SHB: variants seen among roughly 807,000 people sequenced by gnomAD.
The protein encoded by SHB is SH2 domain containing adaptor protein B.
A neutral mutation model predicts 52.3 loss-of-function variants in SHB; 20 were observed. The observed-to-expected ratio is 0.38, with a 90% CI of 0.27 to 0.56. The LOEUF is 0.56. Ranked by LOEUF, SHB falls within the 20% of genes least tolerant of loss-of-function variation. The pLI is 0.71. For synonymous variants in SHB, 397 were observed against 316.5 expected (o/e 1.25, Z -2.70); for missense variants, 825 against 723.3 (o/e 1.14, Z -1.61).
chr9:38,002,161 G>A (rs930288692), intron 2 of SHB, among the ~76,000 whole-genome samples: 1 of 152,192 alleles, frequency 6.6e-6, no homozygotes, highest in Non-Finnish European at 1.5e-5. Flanking sequence ...TGCCTCCAGG[G>A]TTGTTCTGAG....
In SHB at chr9:37,916,303, A is replaced by G. The variant is rs1283315664; in HGVS notation, c.*3518T>C. Among the ~76,000 whole-genome samples, 4 of 152,222 alleles carry G rather than the reference A, an allele frequency of 2.6e-5. No homozygotes were observed. The highest frequency in any genetic ancestry group is 5.9e-5 in the Non-Finnish European group (4 of 68,030). On this transcript the variant is annotated 3_prime_UTR_variant, in exon 6 of 6. Coordinates refer to ENST00000377707, the MANE Select transcript of SHB (RefSeq NM_003028.3). ...TCACGGGTGTCTGTGGGCCAACACC[A>G]AACGCCAGCCTGCTCTGCTGGCAGG...
At chr9:38,042,358 C>T (rs774091566) in intron 1 of SHB, among the ~76,000 whole-genome samples, 2 of 152,216 alleles carry the variant, frequency 1.3e-5, no homozygotes, top group African/African-American at 2.4e-5. Flanking sequence ...TGCACACATG[C>T]CCTTTAATTA....
chr9:38,029,117 C>T (rs1821381981), intron 1 of SHB, among the ~76,000 whole-genome samples: 1 of 152,186 alleles, frequency 6.6e-6, no homozygotes, highest in Non-Finnish European at 1.5e-5. Context: ...TTCTAGTCCA[C>T]CACAGCCTTT....
intron 2 of SHB, among the ~76,000 whole-genome samples, chr9:37,976,023 T>C (rs1820648999): frequency 6.6e-6 from 1 of 152,274 alleles, no homozygotes; most frequent in Non-Finnish European, 1.5e-5. Flanking sequence ...TATAATAACA[T>C]TGAGCACTTT....
intron 2 of SHB, among the ~76,000 whole-genome samples, chr9:37,985,900 G>A (rs7040417): frequency 3.2e-4 from 48 of 152,350 alleles, no homozygotes; most frequent in African/African-American, 1.1e-3. Flanking sequence ...TGGGCACTGG[G>A]AGTAAATTAC....
At chr9:38,050,980 T>C (rs1821730811) in intron 1 of SHB, among the ~76,000 whole-genome samples, 1 of 152,256 alleles carries the variant, frequency 6.6e-6, no homozygotes, top group Non-Finnish European at 1.5e-5. Flanking sequence ...TAGCATCCTC[T>C]GAATTGTCAC....
In SHB at chr9:38,068,535, A is replaced by G. The variant is rs3750444; in HGVS notation, c.111T>C (p.Pro37=). 0.68 allele frequency: 984,310 copies of G among 1,446,516 alleles called. 337,605 individuals carry two copies. The highest frequency in any genetic ancestry group is 0.71 in the Middle Eastern group (3,147 of 4,436). The allele number at this position is 1,446,516 out of a possible 1,614,324, so 89.6% of individuals were successfully genotyped here. Residue 37 remains proline (P), a synonymous_variant, in exon 1 of 6, where the codon CCT becomes CCC. Coordinates refer to ENST00000377707, the MANE Select transcript of SHB (RefSeq NM_003028.3). ...YREQRRRGER[P]SQPPQAVPQA... is the part of the protein sequence containing the mutation. ...GCGGCACGGCCTGGGGGGGCTGCGA[A>G]GGCCGCTCGCCTCGGCGCCGCTGCT...
At chr9:38,046,158 C>T (rs534228498) in intron 1 of SHB, among the ~76,000 whole-genome samples, 6 of 150,934 alleles carry the variant, frequency 4.0e-5, no homozygotes, top group Non-Finnish European at 8.9e-5. Flanking sequence ...AACCGGGAGG[C>T]GGAAGTTGCA....
chr9:38,003,434 C>A (rs144475517), intron 2 of SHB, among the ~76,000 whole-genome samples: 199 of 152,044 alleles, frequency 1.3e-3, no homozygotes, highest in African/African-American at 4.6e-3. Flanking sequence ...CAGAATGGGC[C>A]ACATCCTCCC....
intron 1 of SHB, among the ~76,000 whole-genome samples, chr9:38,052,071 C>G (rs1821758196): frequency 6.6e-6 from 1 of 152,150 alleles, no homozygotes; most frequent in Non-Finnish European, 1.5e-5. Flanking sequence ...CTTTACATGG[C>G]TTCTTTCTAA....
chr9:37,996,891 A>G lies in SHB; in HGVS notation c.838+19120T>C, dbSNP rs549206805. On this transcript the variant is annotated intron_variant, in intron 2 of 5. Coordinates refer to ENST00000377707, the MANE Select transcript of SHB (RefSeq NM_003028.3). ...GGCTCTAACTGCCCTGTGACTCTCC[A>G]TATCTACCGGCTTATCCTGGACTAA... 2.0e-3 allele frequency among the ~76,000 whole-genome samples: 305 copies of G among 152,340 alleles called. 4 individuals are homozygous for G. The South Asian group carries it at 0.021, about 10-fold the overall frequency.
At chr9:37,922,855 TG>T (rs1832200014) in intron 5 of SHB, among the ~76,000 whole-genome samples, 1 of 152,114 alleles carries the variant, frequency 6.6e-6, no homozygotes. Flanking sequence ...TAGATGACCC[TG>T]GGGGGTACTT....
chr9:38,018,701 T>C (rs925157303), intron 1 of SHB, among the ~76,000 whole-genome samples: 2 of 152,166 alleles, frequency 1.3e-5, no homozygotes, highest in African/African-American at 2.4e-5. Flanking sequence ...GATGTCCTAG[T>C]TTTGGGAATA....
At chr9:37,953,006 T>C (rs2117904917) in intron 4 of SHB, among the ~76,000 whole-genome samples, 1 of 151,962 alleles carries the variant, frequency 6.6e-6, no homozygotes, top group South Asian at 2.1e-4. Context: ...GGAGAGCACG[T>C]AGTTGGAGAC....
chr9:38,053,242 CTCT>C (rs1425935752), intron 1 of SHB, among the ~76,000 whole-genome samples: 1 of 151,790 alleles, frequency 6.6e-6, no homozygotes, highest in Admixed American at 6.6e-5. Context: ...CAAAATCAGA[CTCT>C]TTTTTTTTTT....
intron 2 of SHB, among the ~76,000 whole-genome samples, chr9:37,998,190 C>T (rs373163529): frequency 8.5e-4 from 103 of 121,268 alleles, no homozygotes; most frequent in Non-Finnish European, 1.2e-3. Flanking sequence ...CACCAGTGGC[C>T]GGGAGCAGGC....
chr9:37,960,172 AATACAAAT>A (rs1476999949), intron 3 of SHB, among the ~76,000 whole-genome samples: 1 of 152,250 alleles, frequency 6.6e-6, no homozygotes, highest in Admixed American at 6.5e-5. Flanking sequence ...TTTCACCTAA[AATACAAAT>A]ATACAAACTC....
Position 37,955,996 on chromosome 9 carries a change from C to A in SHB, c.1113G>T (p.Arg371=). The change falls in exon 4 of 6, where the codon CGG becomes CGT. Residue 371 remains arginine (R), a synonymous_variant. Transcript: ENST00000377707. ...QSSPSPSRDR[R]RQLRAPGGGF... ...CCCCTCCAGGGGCACGAAGCTGGCG[C>A]CGCCGGTCCCGCGAAGGTGAGGGGG... is the stretch of plus-strand genomic sequence containing the variant. The A allele has an allele frequency of 1.3e-6, 2 of 1,592,232 alleles. No individual in the cohort carries two copies. Among genetic ancestry groups the A allele is most frequent in the Middle Eastern group, 1.7e-4 (1 of 6,010 alleles).
At chr9:38,025,138 C>T (rs1821325927) in intron 1 of SHB, among the ~76,000 whole-genome samples, 1 of 152,172 alleles carries the variant, frequency 6.6e-6, no homozygotes, top group African/African-American at 2.4e-5. Context: ...GTATAATCAC[C>T]ACAACTGCCT....
Sources: gnomAD v4.1 joint callset for allele counts (sites outside exome capture counted in the v4.1 genomes callset) on GRCh38, gnomAD v4.1.1 for gene constraint, MANE v1.5 for transcripts, NCBI Gene and HGNC (gene_info 2026-07-23, HGNC 2026-07-21) for gene names.